Variants in HTT observed in about 807,000 individuals in gnomAD.
HTT encodes the protein huntington disease protein.
Under a neutral mutation model 362.3 loss-of-function variants are expected in HTT, and 104 were observed. That is an observed-to-expected ratio of 0.29 (90% CI 0.24 to 0.34). The LOEUF is 0.34. Ranked by LOEUF, HTT falls within the 10% of genes least tolerant of loss-of-function variation. The probability of loss-of-function intolerance (pLI) is 1.00; values close to 1 mark genes in which losing one functional copy is unlikely to be tolerated. For synonymous variants in HTT, 1,577 were observed against 1,548.7 expected (o/e 1.02, Z -0.43); for missense variants, 3,301 against 3,928.6 (o/e 0.84, Z 4.27).
rs949733991 is a variant in HTT, at chr4:3,085,144, AT to A, written c.264-1782del. Among the ~76,000 whole-genome samples, 698 of 145,624 alleles carry A rather than the reference AT, an allele frequency of 4.8e-3. 3 individuals are homozygous for A. The highest frequency in any genetic ancestry group is 0.015 in the African/African-American group (599 of 40,026). ...AGGAGGCTGGCGGAGGATTGTTTTAATTTTTTTTTTTTTGAGACAGTCTGGC... is the reference window on the plus strand; with the variant it reads ...AGGAGGCTGGCGGAGGATTGTTTTAATTTTTTTTTTTTGAGACAGTCTGGC... On this transcript the variant is annotated intron_variant, in intron 1 of 66. Transcript: ENST00000355072.
chr4:3,213,053 G>A (rs1720237699), intron 49 of HTT: 1 of 261,232 alleles, frequency 3.8e-6, no homozygotes, highest in Non-Finnish European at 7.4e-6. Flanking sequence ...TACTTACTTG[G>A]TTTGTGTTAG....
chr4:3,239,068 TG>T, intron 66 of HTT, 90 bp downstream of exon 66: 1 of 1,340,612 alleles, frequency 7.5e-7, no homozygotes, highest in Non-Finnish European at 1.0e-6. Flanking sequence ...ACCTAACCTT[TG>T]CAAAAACCCC....
intron 26 of HTT, among the ~76,000 whole-genome samples, chr4:3,149,011 A>C (rs994063227): frequency 6.6e-6 from 1 of 152,198 alleles, no homozygotes; most frequent in South Asian, 2.1e-4. Flanking sequence ...ATCATCAGTC[A>C]CTGTTATCCC....
At position 3,228,767 on chromosome 4, in the gene HTT, T is replaced by G. The variant is rs1487088402; in HGVS notation, c.7979+22T>G. 6.4e-7 allele frequency: 1 copy of G among 1,567,288 alleles called. No individual in the cohort carries two copies. On this transcript the variant is annotated intron_variant, in intron 58 of 66. Transcript: ENST00000355072. This position sits in a 1 kb window ranked among gnomAD's most constrained non-coding sequence, Gnocchi z 4.3. ...CCAGGTTTTCCAATGGCCTTTTTCT[T>G]TTTAACAGAAATTTGAAATTTCTTA... is the stretch of plus-strand genomic sequence containing the variant.
intron 8 of HTT, among the ~76,000 whole-genome samples, chr4:3,118,755 T>A (rs1715155084): frequency 6.6e-6 from 1 of 152,238 alleles, no homozygotes; most frequent in African/African-American, 2.4e-5. Context: ...TGAGACTTAA[T>A]TGCTGATTTT....
chr4:3,133,800 C>T (rs890269954), intron 18 of HTT, among the ~76,000 whole-genome samples: 1 of 152,186 alleles, frequency 6.6e-6, no homozygotes, highest in Non-Finnish European at 1.5e-5. Context: ...TCATGCCTGA[C>T]AGTAATTTCT....
chr4:3,224,010 C>T lies in HTT; in HGVS notation c.7644C>T (p.Ser2548=). 1 of 1,614,040 alleles carries T rather than the reference C, an allele frequency of 6.2e-7. No homozygotes were observed. Among genetic ancestry groups the T allele is most frequent in the South Asian group, 1.1e-5 (1 of 91,088 alleles). ...ALDTRFGRKL[S]IIRGIVEQEI... is the part of the protein sequence containing the mutation. ...AATGTAGGTTTGGGAGGAAGCTGAG[C>T]ATTATCAGAGGGATTGTGGAGCAAG... Residue 2548 remains serine (S), a synonymous_variant, in exon 56 of 67, where the codon AGC becomes AGT. Transcript: ENST00000355072.
At chr4:3,122,440 C>T (rs887150872) in intron 9 of HTT, among the ~76,000 whole-genome samples, 1 of 152,238 alleles carries the variant, frequency 6.6e-6, no homozygotes, top group African/African-American at 2.4e-5. Flanking sequence ...ACTGCTGCCT[C>T]GTGTGAACAT....
At chr4:3,137,838 T>C (rs1716141895) in intron 21 of HTT, among the ~76,000 whole-genome samples, 1 of 152,242 alleles carries the variant, frequency 6.6e-6, no homozygotes, top group Non-Finnish European at 1.5e-5. Context: ...TTCATTTTTA[T>C]TGGCGAAAGT....
intron 64 of HTT, among the ~76,000 whole-genome samples, chr4:3,236,725 C>T (rs1721555019): frequency 6.6e-6 from 1 of 152,190 alleles, no homozygotes; most frequent in African/African-American, 2.4e-5. Flanking sequence ...CCCACACATG[C>T]ATCTTTGAGA....
In HTT at chr4:3,074,768, C is replaced by A. The variant is rs959428451; in HGVS notation, c.-58C>A. The A allele has an allele frequency of 8.7e-6, 13 of 1,490,058 alleles. 1 individual carries two copies. The Admixed American group carries it at 2.3e-4, about 26-fold the overall frequency. 92.3% of individuals were successfully genotyped at this position (1,490,058 alleles called of 1,614,324 possible). On this transcript the variant is annotated 5_prime_UTR_variant, in exon 1 of 67. Coordinates refer to ENST00000355072, the MANE Select transcript of HTT (RefSeq NM_001388492.1). ...CCCCATTCATTGCCCCGGTGCTGAG[C>A]GGCGCCGCGAGTCGGCCCGAGGCCT... is the stretch of plus-strand genomic sequence containing the variant.
chr4:3,201,093 C>T (rs1273857583), intron 41 of HTT, among the ~76,000 whole-genome samples: 1 of 152,254 alleles, frequency 6.6e-6, no homozygotes, highest in African/African-American at 2.4e-5. Flanking sequence ...TGGAATTCAG[C>T]AAGCGTCTTC....
rs199843834 is a variant in HTT, at chr4:3,175,048, G to T, written c.4348G>T (p.Asp1450Tyr). The change falls in exon 33 of 67, where the codon GAT (aspartate) becomes TAT (tyrosine). Residue 1450 changes from aspartate to tyrosine, a missense_variant. By Grantham distance (160) the Asp-to-Tyr change is radical (BLOSUM62 -3). Transcript: ENST00000355072. ...TGTGCAGTTACAGAAGCAGGTTTTA[G>T]ATTTGCTGGCGCAGCTGGTTCAGTT... ...TCVQLQKQVL[D>Y]LLAQLVQLRV... 9 of 1,614,056 alleles carry T rather than the reference G, an allele frequency of 5.6e-6. No homozygotes were observed. The highest frequency in any genetic ancestry group is 7.6e-6 in the Non-Finnish European group (9 of 1,180,024).
chr4:3,233,358 G>A lies in HTT; in HGVS notation c.8456+5G>A. ...CAACCTGAAAGGGATCGCCCAGTGA[G>A]TGGGAGCCTGGCTGGGGCTGGGGCG... On this transcript the variant is annotated splice_donor_5th_base_variant and intron_variant, in intron 61 of 66. Coordinates refer to ENST00000355072, the MANE Select transcript of HTT (RefSeq NM_001388492.1). The A allele has an allele frequency of 6.3e-7, 1 of 1,589,162 alleles. No individual in the cohort carries two copies. The highest frequency in any genetic ancestry group is 8.6e-7 in the Non-Finnish European group (1 of 1,160,084).
intron 48 of HTT, 89 bp from the exon 49 acceptor site, chr4:3,212,475 C>T: frequency 6.8e-7 from 1 of 1,475,396 alleles, no homozygotes; most frequent in Non-Finnish European, 9.4e-7. Flanking sequence ...GAGCTTTCAT[C>T]AGATTCTCAG....
At chr4:3,196,249 G>A (rs1356737292) in intron 40 of HTT, among the ~76,000 whole-genome samples, 1 of 152,144 alleles carries the variant, frequency 6.6e-6, no homozygotes, top group African/African-American at 2.4e-5. Flanking sequence ...CCTCTGTCCA[G>A]TTGTTCCTCC....
chr4:3,180,419 C>G, intron 35 of HTT, 96 bp from the exon 36 acceptor site: 1 of 1,157,366 alleles, frequency 8.6e-7, no homozygotes, highest in Non-Finnish European at 1.2e-6. Flanking sequence ...TAAGGGTTTT[C>G]TTTATTTCTT....
At chr4:3,179,746 CTG>C (rs930102703) in intron 35 of HTT, among the ~76,000 whole-genome samples, 1 of 137,972 alleles carries the variant, frequency 7.2e-6, no homozygotes, top group South Asian at 2.4e-4. Context: ...GAGTGTGCCT[CTG>C]TGTGTGCTCA....
Position 3,130,325 on chromosome 4 carries a change from T to C in HTT, c.1888T>C (p.Leu630=), listed in dbSNP as rs750620492. The C allele has an allele frequency of 1.3e-6, 2 of 1,588,548 alleles. No homozygotes were observed. The highest frequency in any genetic ancestry group is 2.7e-5 in the African/African-American group (2 of 74,060). Residue 630 remains leucine, a synonymous_variant, in exon 14 of 67, where the codon TTG becomes CTG. Transcript: ENST00000355072. ...TAAAGCCCTTCAACAGGCACATTTA[T>C]TGAAAAACATGAGTCACTGCAGGCA... ...SSMALQQAHL[L]KNMSHCRQPS...
Sources: allele counts gnomAD v4.1 joint callset (sites outside exome capture counted in the v4.1 genomes callset), GRCh38; gene constraint gnomAD v4.1.1; non-coding constraint Gnocchi (gnomAD v3.1); transcripts MANE v1.5; gene names NCBI Gene and HGNC (gene_info 2026-07-23, HGNC 2026-07-21).